The following AGAP1 variants were observed in gnomAD, a reference collection of about 807,000 sequenced individuals.
AGAP1 encodes the protein arf-GAP with GTPase, ANK repeat and PH domain-containing protein 1.
A neutral mutation model predicts 105.3 loss-of-function variants in AGAP1; 29 were observed. The ratio of observed to expected loss-of-function variants is 0.28; its 90% CI spans 0.21 to 0.38. The LOEUF is 0.38. Ranked by LOEUF, AGAP1 falls within the 10% of genes least tolerant of loss-of-function variation. The pLI is 1.00. For missense variants in AGAP1, 998 were observed against 1,165.1 expected (o/e 0.86, Z 2.09); for synonymous variants, 509 against 485.9 (o/e 1.05, Z -0.63).
intron 14 of AGAP1, among the ~76,000 whole-genome samples, chr2:236,039,111 C>T (rs983495434): frequency 6.6e-6 from 1 of 152,030 alleles, no homozygotes; most frequent in Non-Finnish European, 1.5e-5. Context: ...TTTGCTTTAA[C>T]CATAATATTA....
intron 5 of AGAP1, among the ~76,000 whole-genome samples, chr2:235,746,430 C>G (rs1413246013): frequency 2.9e-5 from 3 of 103,622 alleles, no homozygotes; most frequent in Non-Finnish European, 5.5e-5. Flanking sequence ...CGTGGTCGCT[C>G]TCACTCCTGA....
chr2:235,693,670 A>T (rs1949853475), intron 1 of AGAP1, among the ~76,000 whole-genome samples: 1 of 152,336 alleles, frequency 6.6e-6, no homozygotes, highest in Admixed American at 6.5e-5. Flanking sequence ...CCTGGGCAAC[A>T]TAGTGAGGCC....
chr2:235,709,782 T>C (rs1357664734), intron 2 of AGAP1, among the ~76,000 whole-genome samples: 1 of 152,190 alleles, frequency 6.6e-6, no homozygotes, highest in East Asian at 1.9e-4. Context: ...ATGTAGAGCT[T>C]CAAATTGGCA....
intron 12 of AGAP1, among the ~76,000 whole-genome samples, chr2:235,954,543 A>G (rs1260452977): frequency 6.8e-6 from 1 of 148,032 alleles, no homozygotes; most frequent in African/African-American, 2.5e-5. Context: ...CTCGTATGTT[A>G]CGGTTCTGTG....
At chr2:235,595,701 A>T (rs1221391811) in intron 1 of AGAP1, among the ~76,000 whole-genome samples, 1 of 152,146 alleles carries the variant, frequency 6.6e-6, no homozygotes, top group Admixed American at 6.5e-5. Context: ...GCTCACTAAT[A>T]AATCCCCTGC....
In AGAP1 at chr2:235,982,730, A is replaced by G. The variant is rs1279914548; in HGVS notation, c.1645+14107A>G. On this transcript the variant is annotated intron_variant, in intron 13 of 17. Transcript: ENST00000304032. The surrounding 1 kb of genome is among the most constrained non-coding windows in gnomAD (Gnocchi z 4.9). ...CTGCCATTCTTTCCAGACTTCCACC[A>G]TTGTGCCCTGAGTGGTTCCAGAATG... is the stretch of plus-strand genomic sequence containing the variant. 2.0e-5 allele frequency among the ~76,000 whole-genome samples: 3 copies of G among 152,234 alleles called. No individual in the cohort carries two copies. Among genetic ancestry groups the G allele is most frequent in the Non-Finnish European group, 4.4e-5 (3 of 68,038 alleles).
At chr2:236,067,537 A>G (rs1324963945) in intron 16 of AGAP1, among the ~76,000 whole-genome samples, 3 of 152,226 alleles carry the variant, frequency 2.0e-5, no homozygotes, top group East Asian at 1.9e-4. Flanking sequence ...AGAAATGCCT[A>G]GTATTGAGCT....
At chr2:235,711,826 C>T (rs1055424179) in intron 2 of AGAP1, among the ~76,000 whole-genome samples, 3 of 152,174 alleles carry the variant, frequency 2.0e-5, no homozygotes, top group African/African-American at 7.2e-5. Context: ...CCCCCCAGGA[C>T]AGGTGGCACT....
At chr2:236,108,392 T>A (rs1309014442) in intron 16 of AGAP1, among the ~76,000 whole-genome samples, 1 of 152,264 alleles carries the variant, frequency 6.6e-6, no homozygotes, top group South Asian at 2.1e-4. Context: ...CTCTCCTCCT[T>A]GTCAGTTTCA....
At chr2:235,742,247 G>T (rs1195276925) in intron 4 of AGAP1, among the ~76,000 whole-genome samples, 2 of 152,178 alleles carry the variant, frequency 1.3e-5, no homozygotes, top group African/African-American at 2.4e-5. Flanking sequence ...GTACTCCACA[G>T]GTTGGAGGGC....
chr2:235,968,594 A>C lies in AGAP1; in HGVS notation c.1616A>C (p.Lys539Thr). ...HRRKKSTSNF[K>T]ADGLSGTAEE... ...AGGAAGAAAAGCACTAGCAACTTCA[A>C]AGCCGACGGCCTGTCCGGCACTGCT... The change falls in exon 13 of 18, where the codon AAA becomes ACA. Residue 539 changes from lysine (K) to threonine (T), a missense_variant. Physicochemically the swap from Lys to Thr is moderately conservative, Grantham distance 78. This residue lies in a region of AGAP1 where 735 missense variants were observed against 833.4 expected (regional missense o/e 0.88). Coordinates refer to ENST00000304032, the MANE Select transcript of AGAP1 (RefSeq NM_001037131.3). 1 of 1,520,064 alleles carries C rather than the reference A, an allele frequency of 6.6e-7. No individual in the cohort carries two copies. The highest frequency in any genetic ancestry group is 1.1e-5 in the South Asian group (1 of 89,524). 94.2% of individuals were successfully genotyped at this position (1,520,064 alleles called of 1,614,324 possible). A position where few individuals can be genotyped will look rare whatever the true frequency, so the allele number is the denominator to read the frequency against.
chr2:236,003,510 G>T lies in AGAP1; in HGVS notation c.1646-33051G>T, dbSNP rs1477652015. Among the ~76,000 whole-genome samples, 1 of 152,208 alleles carries T rather than the reference G, an allele frequency of 6.6e-6. No individual in the cohort carries two copies. The highest frequency in any genetic ancestry group is 2.4e-5 in the African/African-American group (1 of 41,460). ...GGGATGGAGGTGGACTCTGAGCACA[G>T]ACAAGGGACCCATGGCCCAGAGCCC... is the stretch of plus-strand genomic sequence containing the variant. On this transcript the variant is annotated intron_variant, in intron 13 of 17. Transcript: ENST00000304032. This position sits in a 1 kb window ranked among gnomAD's most constrained non-coding sequence, Gnocchi z 4.2.
chr2:235,997,557 C>T lies in AGAP1; in HGVS notation c.1645+28934C>T, dbSNP rs116776992. Among the ~76,000 whole-genome samples, 419 of 151,434 alleles carry T rather than the reference C, an allele frequency of 2.8e-3. 1 individual carries two copies. Among genetic ancestry groups the T allele is most frequent in the Non-Finnish European group, 4.5e-3 (307 of 67,796 alleles). ...AGCCCTGTCTTGTGCCTTCCACGCC[C>T]GCAGCATCTACACTGACTGTGTGGT... On this transcript the variant is annotated intron_variant, in intron 13 of 17. Coordinates refer to ENST00000304032, the MANE Select transcript of AGAP1 (RefSeq NM_001037131.3).
Position 236,121,954 on chromosome 2 carries a change from C to T in AGAP1, c.2370+1507C>T, listed in dbSNP as rs967148897. ...CTCCTGGTAGCTCTCTCCTTTCCCC[C>T]CACCCCCTTCTTTTTGGGACAAAGT... is the stretch of plus-strand genomic sequence containing the variant. On this transcript the variant is annotated intron_variant, in intron 17 of 17. Transcript: ENST00000304032. This position sits in a 1 kb window ranked among gnomAD's most constrained non-coding sequence, Gnocchi z 4.9. Among the ~76,000 whole-genome samples, 6 of 150,650 alleles carry T rather than the reference C, an allele frequency of 4.0e-5. No homozygotes were observed. Among genetic ancestry groups the T allele is most frequent in the African/African-American group, 1.5e-4 (6 of 40,868 alleles).
chr2:235,772,030 CTG>C (rs1955500993), intron 6 of AGAP1, among the ~76,000 whole-genome samples: 2 of 134,492 alleles, frequency 1.5e-5, no homozygotes, highest in Admixed American at 8.7e-5. Flanking sequence ...GAGTCTCACT[CTG>C]TTGCCCAGGC....
Position 235,591,789 on chromosome 2 carries a change from T to C in AGAP1, c.163+96940T>C, listed in dbSNP as rs142021701. On this transcript the variant is annotated intron_variant, in intron 1 of 17. Transcript: ENST00000304032. ...TTTTGTTTTGTTTTTAATTTTCCTTTACACAACAGTATACAGTATTAGGTG... is the reference window on the plus strand; with the variant it reads ...TTTTGTTTTGTTTTTAATTTTCCTTCACACAACAGTATACAGTATTAGGTG... Among the ~76,000 whole-genome samples, 527 of 152,238 alleles carry C rather than the reference T, an allele frequency of 3.5e-3. 3 individuals are homozygous for C. The highest frequency in any genetic ancestry group is 0.012 in the African/African-American group (478 of 41,528).
Position 235,889,931 on chromosome 2 carries a change from TA to T in AGAP1, c.1155+6484del, listed in dbSNP as rs34429763. ...GCTCCATGAAAGTTTATGCCAGTGA[TA>T]ACCTCCAGGCCCCAGATCTGCTCAG... On this transcript the variant is annotated intron_variant, in intron 10 of 17. Coordinates refer to ENST00000304032, the MANE Select transcript of AGAP1 (RefSeq NM_001037131.3). This position sits in a 1 kb window ranked among gnomAD's most constrained non-coding sequence, Gnocchi z 4.6. 0.046 allele frequency among the ~76,000 whole-genome samples: 6,938 copies of T among 152,184 alleles called. 373 individuals are homozygous for T. Among genetic ancestry groups the T allele is most frequent in the African/African-American group, 0.13 (5,319 of 41,492 alleles).
At position 236,114,516 on chromosome 2, in the gene AGAP1, G is replaced by A. The variant is rs996043332; in HGVS notation, c.2115-5676G>A. Among the ~76,000 whole-genome samples, 10 of 152,190 alleles carry A rather than the reference G, an allele frequency of 6.6e-5. No individual in the cohort carries two copies. Among genetic ancestry groups the A allele is most frequent in the African/African-American group, 2.4e-4 (10 of 41,460 alleles). On this transcript the variant is annotated intron_variant, in intron 16 of 17. Transcript: ENST00000304032. This position sits in a 1 kb window ranked among gnomAD's most constrained non-coding sequence, Gnocchi z 5.0. Reference sequence around the variant, plus strand: ...GGTGGCTTAAGTGCGGGACATTCACGTCTCACAGTTCTGGAGGCTGGAAGT... The same window carrying A: ...GGTGGCTTAAGTGCGGGACATTCACATCTCACAGTTCTGGAGGCTGGAAGT...
intron 13 of AGAP1, among the ~76,000 whole-genome samples, chr2:236,034,350 G>A (rs940972950): frequency 1.3e-5 from 2 of 151,244 alleles, no homozygotes; most frequent in Admixed American, 6.6e-5. Flanking sequence ...GTTTAAGGTC[G>A]TTGTTGAAGG....
Sources: allele counts gnomAD v4.1 joint callset (sites outside exome capture counted in the v4.1 genomes callset), GRCh38; gene constraint gnomAD v4.1.1; regional missense constraint gnomAD v4.1.1; non-coding constraint Gnocchi (gnomAD v3.1); transcripts MANE v1.5; gene names NCBI Gene and HGNC (gene_info 2026-07-23, HGNC 2026-07-21).